Variants in MUSK observed in about 807,000 individuals in gnomAD.
MUSK encodes muscle associated receptor tyrosine kinase.
MUSK carries 55 observed loss-of-function variants against 88.7 expected under a neutral mutation model. The observed-to-expected ratio is 0.62, with a 90% CI of 0.50 to 0.78. The LOEUF (loss-of-function observed/expected upper bound fraction) is 0.78. Ranked by LOEUF, MUSK falls within the 30% of genes least tolerant of loss-of-function variation. MUSK has a pLI of 0.00. For missense variants in MUSK, 1,015 were observed against 1,074.3 expected, an observed-to-expected ratio of 0.94 and a Z score of 0.77; for synonymous variants, 387 against 391.9, an observed-to-expected ratio of 0.99 and a Z score of 0.15.
At chr9:110,776,901 G>C (rs1276341272) in intron 11 of MUSK, among the ~76,000 whole-genome samples, 1 of 152,050 alleles carries the variant, frequency 6.6e-6, no homozygotes, top group African/African-American at 2.4e-5. Flanking sequence ...CCCACCTCAA[G>C]GTTTTTAGTC....
chr9:110,676,195 A>G (rs1048069016), intron 1 of MUSK, among the ~76,000 whole-genome samples: 2 of 151,800 alleles, frequency 1.3e-5, no homozygotes, highest in African/African-American at 4.8e-5. Flanking sequence ...AGATACAGAA[A>G]AACAAAAATA....
chr9:110,724,348 A>T (rs2076856238), intron 5 of MUSK, among the ~76,000 whole-genome samples: 1 of 151,946 alleles, frequency 6.6e-6, no homozygotes, highest in Admixed American at 6.6e-5. Context: ...TCTTATCATC[A>T]TCTCTCTGAA....
At chr9:110,783,257 ATTGCCAGG>A (rs2077793028) in intron 11 of MUSK, among the ~76,000 whole-genome samples, 1 of 152,088 alleles carries the variant, frequency 6.6e-6, no homozygotes, top group Admixed American at 6.5e-5. Context: ...CTGTGCTAAC[ATTGCCAGG>A]TTGTGATATT....
At chr9:110,682,277 A>T (rs995471556) in intron 1 of MUSK, among the ~76,000 whole-genome samples, 5 of 152,066 alleles carry the variant, frequency 3.3e-5, no homozygotes, top group Non-Finnish European at 7.4e-5. Context: ...TTTTTAAATT[A>T]TTATCCTTTT....
intron 13 of MUSK, 103 bp from the exon 14 acceptor site, chr9:110,787,587 C>A (rs1014246897): frequency 9.2e-6 from 11 of 1,189,400 alleles, no homozygotes; most frequent in Admixed American, 2.7e-5. Flanking sequence ...ACTTAACCAG[C>A]CTTTTACACA....
chr9:110,775,666 G>A (rs1179291360), intron 9 of MUSK, 122 bp from the exon 10 acceptor site: 8 of 865,868 alleles, frequency 9.2e-6, no homozygotes, highest in South Asian at 4.3e-5. Flanking sequence ...TTTCATAAAC[G>A]CGCTTTTTTC....
chr9:110,784,093 G>T (rs1020984085), intron 11 of MUSK, among the ~76,000 whole-genome samples: 1 of 151,932 alleles, frequency 6.6e-6, no homozygotes, highest in African/African-American at 2.4e-5. Context: ...GGGTACAAAG[G>T]TCATTCTTAG....
At chr9:110,724,929 A>G (rs1342419435) in intron 5 of MUSK, among the ~76,000 whole-genome samples, 1 of 152,016 alleles carries the variant, frequency 6.6e-6, no homozygotes, top group Non-Finnish European at 1.5e-5. Context: ...GATGTTTAAA[A>G]GTGATATTTT....
At chr9:110,788,454 A>C (rs2077911427) in intron 14 of MUSK, among the ~76,000 whole-genome samples, 1 of 152,078 alleles carries the variant, frequency 6.6e-6, no homozygotes, top group Non-Finnish European at 1.5e-5. Flanking sequence ...GAACAAGGTG[A>C]AATCCCATCT....
At chr9:110,690,557 TAA>T (rs1296706707) in intron 3 of MUSK, among the ~76,000 whole-genome samples, 1 of 89,594 alleles carries the variant, frequency 1.1e-5, no homozygotes, top group East Asian at 3.0e-4. Flanking sequence ...TATTTAAATA[TAA>T]GTATATATAT....
chr9:110,804,122 T>C lies in MUSK; in HGVS notation c.*3134T>C, dbSNP rs1304695462. Among the ~76,000 whole-genome samples the C allele has an allele frequency of 1.3e-5, 2 of 152,218 alleles. No individual in the cohort carries two copies. The highest frequency in any genetic ancestry group is 2.4e-5 in the African/African-American group (1 of 41,464). On this transcript the variant is annotated 3_prime_UTR_variant, in exon 15 of 15. Transcript: ENST00000374448. The stretch of plus-strand genomic sequence containing the variant: ...AAATATTCTTCTAAAAACCCAATTT[T>C]GGAATAATATTCTATTTTATTCATA...
rs56054734 is a variant in MUSK, at chr9:110,682,674, C to G, written c.80C>G (p.Ala27Gly). 1 of 1,611,544 alleles carries G rather than the reference C, an allele frequency of 6.2e-7. No individual in the cohort carries two copies. The highest frequency in any genetic ancestry group is 2.2e-5 in the East Asian group (1 of 44,826). Residue 27 changes from alanine to glycine, a missense_variant and splice_region_variant, in exon 2 of 15, where the codon GCT (alanine) becomes GGT (glycine). By Grantham distance (60) the Ala-to-Gly change is moderately conservative (BLOSUM62 0). Coordinates refer to ENST00000374448, the MANE Select transcript of MUSK (RefSeq NM_005592.4). ...AFSGTEKLPKAPVITTPLETV... is the reference protein window; with the variant it reads ...AFSGTEKLPKGPVITTPLETV... ...CTTTTGATTTCTCCTTTCCTTTCAGCTCCTGTCATCACCACTCCTCTTGAA... is the reference window on the plus strand; with the variant it reads ...CTTTTGATTTCTCCTTTCCTTTCAGGTCCTGTCATCACCACTCCTCTTGAA...
chr9:110,770,788 G>C (rs2077562170), intron 9 of MUSK, among the ~76,000 whole-genome samples: 1 of 151,192 alleles, frequency 6.6e-6, no homozygotes, highest in South Asian at 2.1e-4. Flanking sequence ...GTGTTTTATA[G>C]TCATTGCTGT....
intron 5 of MUSK, among the ~76,000 whole-genome samples, chr9:110,702,126 A>G (rs1436795907): frequency 1.3e-5 from 2 of 151,734 alleles, no homozygotes; most frequent in Non-Finnish European, 2.9e-5. Flanking sequence ...AATATAACAG[A>G]CAAGATAATA....
At chr9:110,762,162 T>C in intron 7 of MUSK, 40 bp from the exon 8 acceptor site, 1 of 1,401,564 alleles carries the variant, frequency 7.1e-7, no homozygotes. Context: ...TTTTCTCCTT[T>C]AATTTGACTT....
chr9:110,739,084 G>T (rs1489676435), intron 6 of MUSK, among the ~76,000 whole-genome samples: 1 of 152,084 alleles, frequency 6.6e-6, no homozygotes, highest in African/African-American at 2.4e-5. Flanking sequence ...CATTGGAGCT[G>T]CCAGACATCC....
chr9:110,695,247 C>G (rs1226248039), intron 3 of MUSK, among the ~76,000 whole-genome samples, 156 bp from the exon 4 acceptor site: 1 of 152,140 alleles, frequency 6.6e-6, no homozygotes, highest in Non-Finnish European at 1.5e-5. Flanking sequence ...TTGAGATCTA[C>G]TGAGGAAAAC....
At chr9:110,798,375 T>A (rs1450659960) in intron 14 of MUSK, among the ~76,000 whole-genome samples, 2 of 152,220 alleles carry the variant, frequency 1.3e-5, no homozygotes, top group East Asian at 3.8e-4. Context: ...AAAAATGGTA[T>A]AACTAAAGAA....
chr9:110,752,586 C>T (rs992663623), intron 7 of MUSK, among the ~76,000 whole-genome samples: 1 of 152,254 alleles, frequency 6.6e-6, no homozygotes, highest in Admixed American at 6.5e-5. Context: ...CCCTATGTGA[C>T]TAGTACCCCT....
Sources: gnomAD v4.1 joint callset for allele counts (sites outside exome capture counted in the v4.1 genomes callset) on GRCh38, gnomAD v4.1.1 for gene constraint, MANE v1.5 for transcripts, NCBI Gene and HGNC (gene_info 2026-07-23, HGNC 2026-07-21) for gene names.